The following RBFOX1 variants were observed in gnomAD, a reference collection of about 807,000 sequenced individuals.
RBFOX1 encodes RNA binding protein fox-1 homolog 1.
RBFOX1 carries 8 observed loss-of-function variants against 57.7 expected under a neutral mutation model. That is an observed-to-expected ratio of 0.14 (90% CI 0.08 to 0.25). RBFOX1 has a LOEUF of 0.25. RBFOX1 is among the 10% of genes least tolerant of loss of function. The pLI is 1.00. For missense variants in RBFOX1, 611 were observed against 548.5 expected (o/e 1.11, Z -1.14); for synonymous variants, 326 against 222.4 (o/e 1.47, Z -4.15).
intron 3 of RBFOX1, among the ~76,000 whole-genome samples, chr16:5,774,772 T>G (rs1031438997): frequency 6.6e-6 from 1 of 152,114 alleles, no homozygotes; most frequent in Non-Finnish European, 1.5e-5. Context: ...AACTTCCACC[T>G]CCCGAGTTCA....
chr16:7,641,771 C>A (rs148736866), intron 11 of RBFOX1, among the ~76,000 whole-genome samples: 1 of 152,244 alleles, frequency 6.6e-6, no homozygotes, highest in Admixed American at 6.5e-5. Flanking sequence ...TAAACTGTCA[C>A]GGTAGACTAG....
At chr16:6,176,313 A>AT (rs34667158) in intron 1 of RBFOX1, among the ~76,000 whole-genome samples, 39,599 of 95,310 alleles carry the variant, frequency 0.42, 9,000 homozygotes, top group Admixed American at 0.48. Context: ...GCCTGACCAA[A>AT]TTTTTTTTTT....
At chr16:7,337,786 G>T (rs557105399) in intron 4 of RBFOX1, among the ~76,000 whole-genome samples, 2 of 152,302 alleles carry the variant, frequency 1.3e-5, no homozygotes, top group East Asian at 3.9e-4. Flanking sequence ...CCAGGTTCAA[G>T]CGATTCTCCT....
intron 4 of RBFOX1, among the ~76,000 whole-genome samples, chr16:7,366,204 A>G (rs940442453): frequency 1.3e-5 from 2 of 152,194 alleles, no homozygotes; most frequent in East Asian, 1.9e-4. Flanking sequence ...CTGCCACCCC[A>G]TTGGTGTCTG....
At chr16:5,697,028 T>G (rs2151473152) in intron 3 of RBFOX1, among the ~76,000 whole-genome samples, 1 of 152,278 alleles carries the variant, frequency 6.6e-6, no homozygotes, top group Admixed American at 6.5e-5. Context: ...TTCTCATGCC[T>G]CAGCCTCCCG....
intron 3 of RBFOX1, among the ~76,000 whole-genome samples, chr16:6,828,500 G>A (rs2154282998): frequency 6.6e-6 from 1 of 151,820 alleles, no homozygotes; most frequent in South Asian, 2.1e-4. Flanking sequence ...CTCCAGCCTG[G>A]CAACAGAGCG....
intron 1 of RBFOX1, among the ~76,000 whole-genome samples, chr16:6,301,379 G>T (rs776199542): frequency 6.6e-6 from 1 of 152,098 alleles, no homozygotes; most frequent in African/African-American, 2.4e-5. Flanking sequence ...GCCTTATTAG[G>T]ATTAAAGACT....
chr16:7,673,426 G>T (rs1314948242), intron 13 of RBFOX1, among the ~76,000 whole-genome samples: 4 of 152,140 alleles, frequency 2.6e-5, no homozygotes, highest in Non-Finnish European at 5.9e-5. Context: ...TGCTTTATTA[G>T]CTAGGCACAG....
At chr16:6,816,951 T>C (rs2090213274) in intron 3 of RBFOX1, among the ~76,000 whole-genome samples, 1 of 152,000 alleles carries the variant, frequency 6.6e-6, no homozygotes, top group Non-Finnish European at 1.5e-5. Context: ...CTTAACTGAG[T>C]TGCCCAGGGT....
intron 4 of RBFOX1, among the ~76,000 whole-genome samples, chr16:7,475,522 G>C (rs982166300): frequency 1.3e-5 from 2 of 152,048 alleles, no homozygotes; most frequent in African/African-American, 4.8e-5. Flanking sequence ...CACCGTGTTA[G>C]GCATGATAGT....
At chr16:7,031,165 A>G (rs923571010) in intron 3 of RBFOX1, among the ~76,000 whole-genome samples, 1 of 152,200 alleles carries the variant, frequency 6.6e-6, no homozygotes, top group African/African-American at 2.4e-5. Context: ...CTTTGCATGT[A>G]GAGAGTCAGC....
intron 2 of RBFOX1, among the ~76,000 whole-genome samples, chr16:6,513,638 G>C (rs576915788): frequency 4.5e-4 from 69 of 152,304 alleles, no homozygotes; most frequent in African/African-American, 1.6e-3. Context: ...GGAGGCCGAG[G>C]CAGAAGAATC....
At chr16:6,557,024 TAC>T (rs1567671791) in intron 2 of RBFOX1, among the ~76,000 whole-genome samples, 40 of 62,862 alleles carry the variant, frequency 6.4e-4, no homozygotes, top group South Asian at 1.7e-3. Flanking sequence ...TACATATATA[TAC>T]ATATATACAC....
At chr16:6,301,138 T>C (rs1567886425) in intron 1 of RBFOX1, among the ~76,000 whole-genome samples, 1 of 152,244 alleles carries the variant, frequency 6.6e-6, no homozygotes, top group South Asian at 2.1e-4. Flanking sequence ...TAGATTTTTT[T>C]CTTTGCTTCT....
chr16:5,372,861 A>ATCCTTTT (rs2065894557), intron 1 of RBFOX1, among the ~76,000 whole-genome samples: 1 of 152,218 alleles, frequency 6.6e-6, no homozygotes, highest in Non-Finnish European at 1.5e-5. Context: ...CACACTTGTG[A>ATCCTTTT]TCCTTTTTGA....
At chr16:6,113,383 G>A (rs2096465822) in intron 1 of RBFOX1, among the ~76,000 whole-genome samples, 1 of 152,158 alleles carries the variant, frequency 6.6e-6, no homozygotes, top group South Asian at 2.1e-4. Flanking sequence ...ATACTGATGT[G>A]TTTTTTAATA....
intron 2 of RBFOX1, among the ~76,000 whole-genome samples, chr16:6,587,128 A>T (rs1197603083): frequency 6.6e-6 from 1 of 152,068 alleles, no homozygotes; most frequent in Non-Finnish European, 1.5e-5. Context: ...TGTTGGATTT[A>T]TTCCTCTTAT....
intron 2 of RBFOX1, among the ~76,000 whole-genome samples, chr16:5,469,114 T>C (rs2069049081): frequency 6.6e-6 from 1 of 152,236 alleles, no homozygotes; most frequent in African/African-American, 2.4e-5. Context: ...AGCTCTGGCC[T>C]GTCTGTTGCC....
intron 4 of RBFOX1, among the ~76,000 whole-genome samples, chr16:5,903,064 G>A (rs887191344): frequency 5.3e-5 from 8 of 152,090 alleles, no homozygotes; most frequent in African/African-American, 1.9e-4. Context: ...ACTTGCCTGA[G>A]CCGACTTACT....
Sources: allele counts gnomAD v4.1 joint callset (sites outside exome capture counted in the v4.1 genomes callset), GRCh38; gene constraint gnomAD v4.1.1; transcripts MANE v1.5; gene names NCBI Gene and HGNC (gene_info 2026-07-23, HGNC 2026-07-21).